The following ARFGEF3 variants were observed in gnomAD, a reference collection of about 807,000 sequenced individuals.
The protein encoded by ARFGEF3 is ARFGEF family member 3.
Under a neutral mutation model 221.7 loss-of-function variants are expected in ARFGEF3, and 96 were observed. The observed-to-expected ratio is 0.43, with a 90% CI of 0.37 to 0.51. ARFGEF3 has a LOEUF of 0.51. ARFGEF3 is among the 20% of genes least tolerant of loss of function. ARFGEF3 has a pLI of 0.00. For synonymous variants in ARFGEF3, 1,145 were observed against 1,126.8 expected, an observed-to-expected ratio of 1.02 and a Z score of -0.32; for missense variants, 2,410 against 2,789.9, an observed-to-expected ratio of 0.86 and a Z score of 3.07.
intron 12 of ARFGEF3, among the ~76,000 whole-genome samples, chr6:138,266,702 A>G (rs781319073): frequency 3.6e-4 from 54 of 152,054 alleles, no homozygotes; most frequent in Non-Finnish European, 6.8e-4. Flanking sequence ...ACAAAAAATT[A>G]GCTGGGCGTG....
At position 138,262,952 on chromosome 6, in the gene ARFGEF3, A is replaced by G; in HGVS notation, c.1469A>G (p.His490Arg). The change falls in exon 12 of 34, where the codon CAC becomes CGC. Residue 490 changes from histidine (H) to arginine (R), a missense_variant. Around this residue, in one of 5 missense-constraint regions of ARFGEF3, gnomAD observed 594 missense variants for 734.3 expected, o/e 0.81. Coordinates refer to ENST00000251691, the MANE Select transcript of ARFGEF3 (RefSeq NM_020340.5). ...CAGCGGCGAGTGCTGTCCTCAGAAC[A>G]CACGCCGTGGGAGTCAGGGAACGAG... ...RWQRRVLSSE[H>R]TPWESGNERS... The G allele has an allele frequency of 6.2e-7, 1 of 1,601,216 alleles. No individual in the cohort carries two copies. Among genetic ancestry groups the G allele is most frequent in the South Asian group, 1.1e-5 (1 of 89,518 alleles).
At chr6:138,223,482 A>G (rs1009247730) in intron 4 of ARFGEF3, among the ~76,000 whole-genome samples, 1 of 152,204 alleles carries the variant, frequency 6.6e-6, no homozygotes, top group African/African-American at 2.4e-5. Context: ...TTGGAGCCCT[A>G]ACTAGCTTAT....
intron 2 of ARFGEF3, among the ~76,000 whole-genome samples, chr6:138,173,931 C>A (rs1364909663): frequency 1.3e-5 from 2 of 152,168 alleles, no homozygotes; most frequent in East Asian, 3.9e-4. Flanking sequence ...AAAGATACAT[C>A]ATCTTACTAT....
intron 2 of ARFGEF3, among the ~76,000 whole-genome samples, chr6:138,192,897 G>T (rs1372583576): frequency 6.6e-6 from 1 of 152,106 alleles, no homozygotes; most frequent in Non-Finnish European, 1.5e-5. Context: ...ACCAAGAGTA[G>T]TTTGACTCCA....
chr6:138,192,711 T>C (rs574585691), intron 2 of ARFGEF3, among the ~76,000 whole-genome samples: 1 of 152,330 alleles, frequency 6.6e-6, no homozygotes, highest in African/African-American at 2.4e-5. Flanking sequence ...CAGAGCACTG[T>C]AAATGTTAGG....
At chr6:138,212,312 G>C (rs573242217) in intron 4 of ARFGEF3, among the ~76,000 whole-genome samples, 2 of 152,336 alleles carry the variant, frequency 1.3e-5, no homozygotes, top group East Asian at 3.9e-4. Flanking sequence ...GGGATGGCTT[G>C]AGCCCAGAAG....
chr6:138,192,808 T>A (rs1182342796), intron 2 of ARFGEF3, among the ~76,000 whole-genome samples: 1 of 152,226 alleles, frequency 6.6e-6, no homozygotes, highest in Non-Finnish European at 1.5e-5. Flanking sequence ...ATTAGTTCCA[T>A]ATTTTTAGAT....
At chr6:138,305,290 CA>C (rs148768146) in intron 22 of ARFGEF3, among the ~76,000 whole-genome samples, 3,736 of 136,620 alleles carry the variant, frequency 0.027, 122 homozygotes, top group African/African-American at 0.076. Flanking sequence ...TGAAATTAGA[CA>C]AAAAAAAAAA....
Position 138,185,035 on chromosome 6 carries a change from C to T in ARFGEF3, c.137+14322C>T, listed in dbSNP as rs187775072. On this transcript the variant is annotated intron_variant, in intron 2 of 33. Coordinates refer to ENST00000251691, the MANE Select transcript of ARFGEF3 (RefSeq NM_020340.5). ...TTGCCTACCCAACATCCAACTGCTC[C>T]TTATCCTCAATGAACCTGACTAGGT... Among the ~76,000 whole-genome samples the T allele has an allele frequency of 2.1e-3, 315 of 152,310 alleles. 1 individual carries two copies. The highest frequency in any genetic ancestry group is 7.2e-3 in the African/African-American group (298 of 41,568).
chr6:138,316,553 T>A (rs1779929265), intron 26 of ARFGEF3, among the ~76,000 whole-genome samples: 1 of 152,208 alleles, frequency 6.6e-6, no homozygotes, highest in Admixed American at 6.5e-5. Flanking sequence ...ATATCTTTGC[T>A]CTCTCTTCCT....
At chr6:138,237,941 C>T (rs117349512) in intron 5 of ARFGEF3, among the ~76,000 whole-genome samples, 2 of 152,228 alleles carry the variant, frequency 1.3e-5, no homozygotes, top group African/African-American at 2.4e-5. Flanking sequence ...ATAGTTGATT[C>T]ACAGTTCTCC....
At position 138,291,735 on chromosome 6, in the gene ARFGEF3, T is replaced by G; in HGVS notation, c.3050T>G (p.Val1017Gly). The G allele has an allele frequency of 7.3e-7, 1 of 1,377,740 alleles. No homozygotes were observed. Among genetic ancestry groups the G allele is most frequent in the Non-Finnish European group, 9.4e-7 (1 of 1,059,030 alleles). The allele number at this position is 1,377,740 out of a possible 1,614,324, so 85.3% of individuals were successfully genotyped here. A position where few individuals can be genotyped will look rare whatever the true frequency, so the allele number is the denominator to read the frequency against. Residue 1017 changes from valine to glycine, a missense_variant and splice_region_variant, in exon 19 of 34, where the codon GTG (valine) becomes GGG (glycine). Coordinates refer to ENST00000251691, the MANE Select transcript of ARFGEF3 (RefSeq NM_020340.5). This position sits in a 1 kb window ranked among gnomAD's most constrained non-coding sequence, Gnocchi z 4.5. ...NPDCWPHVFR[V>G]CEYVGTLEHN... ...CTGCTTGTCTGTGCTCTTTCTAGGG[T>G]GTGTGAATACGTGGGCACCCTGGAG...
Position 138,238,603 on chromosome 6 carries a change from T to C in ARFGEF3, c.515T>C (p.Leu172Ser). The stretch of plus-strand genomic sequence containing the variant: ...AGTCAAATGCTGAGTGACTTGACTT[T>C]ACAGTTACGACAGAGGCAGGAGAAT... The part of the protein sequence containing the change: ...TLSQMLSDLT[L>S]QLRQRQENTI... The change falls in exon 6 of 34, where the codon TTA (leucine) becomes TCA (serine). Residue 172 changes from leucine to serine, a missense_variant. Physicochemically the swap from Leu to Ser is moderately radical, Grantham distance 145. Transcript: ENST00000251691. The C allele has an allele frequency of 6.2e-7, 1 of 1,613,820 alleles. No individual in the cohort carries two copies. Among genetic ancestry groups the C allele is most frequent in the Non-Finnish European group, 8.5e-7 (1 of 1,179,756 alleles).
At chr6:138,333,753 A>C (rs1437642096) in intron 32 of ARFGEF3, among the ~76,000 whole-genome samples, 1 of 152,094 alleles carries the variant, frequency 6.6e-6, no homozygotes, top group African/African-American at 2.4e-5. Context: ...AGCTTCAGGA[A>C]TTTTTTTAAG....
chr6:138,259,177 G>C (rs1306477404), intron 10 of ARFGEF3, among the ~76,000 whole-genome samples: 2 of 152,198 alleles, frequency 1.3e-5, no homozygotes, highest in Non-Finnish European at 2.9e-5. Flanking sequence ...TGGTAACCTA[G>C]ATACCAAAAT....
intron 1 of ARFGEF3, among the ~76,000 whole-genome samples, chr6:138,166,100 C>T (rs1178133519): frequency 6.6e-6 from 1 of 152,226 alleles, no homozygotes; most frequent in African/African-American, 2.4e-5. Flanking sequence ...CAAAACAATA[C>T]ATGTCAGCAG....
chr6:138,167,424 G>T (rs967740578), intron 1 of ARFGEF3, among the ~76,000 whole-genome samples: 1 of 152,160 alleles, frequency 6.6e-6, no homozygotes. Context: ...TGAATGGCTT[G>T]CAGGCACTCA....
chr6:138,293,923 A>G, intron 19 of ARFGEF3, 70 bp from the exon 20 acceptor site: 1 of 1,490,870 alleles, frequency 6.7e-7, no homozygotes. Flanking sequence ...CAAAATTACC[A>G]TAATCATTCT....
At chr6:138,321,041 T>C in intron 28 of ARFGEF3, 70 bp from the exon 29 acceptor site, 2 of 825,688 alleles carry the variant, frequency 2.4e-6, no homozygotes, top group Non-Finnish European at 3.9e-6. Context: ...TCTGTTGCTA[T>C]AGATGGCCAT....
Sources: allele counts gnomAD v4.1 joint callset (sites outside exome capture counted in the v4.1 genomes callset), GRCh38; gene constraint gnomAD v4.1.1; regional missense constraint gnomAD v4.1.1; non-coding constraint Gnocchi (gnomAD v3.1); transcripts MANE v1.5; gene names NCBI Gene and HGNC (gene_info 2026-07-23, HGNC 2026-07-21).